The following TEC variants were observed in gnomAD, a reference collection of about 807,000 sequenced individuals.
TEC encodes the protein tec protein tyrosine kinase.
TEC carries 72 observed loss-of-function variants against 93.0 expected under a neutral mutation model. The observed-to-expected ratio is 0.77, with a 90% CI of 0.64 to 0.94. TEC has a LOEUF of 0.94. TEC is among the 40% of genes least tolerant of loss of function. The pLI is 0.00. For synonymous variants in TEC, 249 were observed against 247.7 expected (o/e 1.01, Z -0.05); for missense variants, 630 against 757.9 (o/e 0.83, Z 1.98).
At chr4:48,215,513 AT>A (rs933309996) in intron 2 of TEC, among the ~76,000 whole-genome samples, 19 of 152,236 alleles carry the variant, frequency 1.2e-4, no homozygotes, top group African/African-American at 4.6e-4. Flanking sequence ...TCTCAAAAAA[AT>A]AATTAATTAA....
intron 2 of TEC, among the ~76,000 whole-genome samples, chr4:48,194,177 A>G (rs1244735130): frequency 6.6e-6 from 1 of 152,210 alleles, no homozygotes; most frequent in Admixed American, 6.5e-5. Context: ...GATTTCTGGA[A>G]AGGTGCATCG....
intron 1 of TEC, among the ~76,000 whole-genome samples, chr4:48,265,046 T>C (rs1724597029): frequency 6.6e-6 from 1 of 151,136 alleles, no homozygotes; most frequent in Admixed American, 6.6e-5. Context: ...CCTAAACAAA[T>C]GAAAAGACAA....
intron 2 of TEC, among the ~76,000 whole-genome samples, chr4:48,192,309 A>G (rs1398688514): frequency 6.6e-6 from 1 of 152,212 alleles, no homozygotes; most frequent in African/African-American, 2.4e-5. Flanking sequence ...CTAATCTATC[A>G]TGTCAAAAAT....
chr4:48,146,694 G>A (rs1308278237), intron 11 of TEC, among the ~76,000 whole-genome samples: 3 of 152,122 alleles, frequency 2.0e-5, no homozygotes, highest in Non-Finnish European at 2.9e-5. Context: ...GCTGAACTAT[G>A]AAAGGGAATT....
chr4:48,227,844 T>C (rs981398887), intron 2 of TEC, among the ~76,000 whole-genome samples: 4 of 152,136 alleles, frequency 2.6e-5, no homozygotes, highest in East Asian at 3.9e-4. Flanking sequence ...CCAGAGGTGA[T>C]TGCACATTCA....
intron 1 of TEC, among the ~76,000 whole-genome samples, chr4:48,257,459 G>C (rs1186911962): frequency 6.6e-6 from 1 of 152,134 alleles, no homozygotes; most frequent in Admixed American, 6.5e-5. Flanking sequence ...ATATGACAAA[G>C]AGAGGAGAGG....
At chr4:48,262,602 C>G (rs1195259948) in intron 1 of TEC, among the ~76,000 whole-genome samples, 1 of 152,132 alleles carries the variant, frequency 6.6e-6, no homozygotes, top group Non-Finnish European at 1.5e-5. Context: ...GAAAGAACTT[C>G]TGTGAAGACC....
rs141105095 is a variant in TEC at position 48,196,105 on chromosome 4, C to A, written c.139-19919G>T. ...GGTATCAACTTGACTGGAAGAAGGA[C>A]TGCCTAGAGAGCTGGTAAAGCTTTC... On this transcript the variant is annotated intron_variant, in intron 2 of 17. Coordinates refer to ENST00000381501, the MANE Select transcript of TEC (RefSeq NM_003215.3). 5.6e-3 allele frequency among the ~76,000 whole-genome samples: 859 copies of A among 152,330 alleles called. 4 individuals are homozygous for A. The highest frequency in any genetic ancestry group is 0.014 in the Middle Eastern group (4 of 294).
chr4:48,217,296 G>T (rs1318199324), intron 2 of TEC, among the ~76,000 whole-genome samples: 4 of 152,126 alleles, frequency 2.6e-5, no homozygotes, highest in African/African-American at 4.8e-5. Context: ...TAGAGACGGG[G>T]TTTCACCATG....
chr4:48,169,512 G>A (rs1468367016), intron 5 of TEC, among the ~76,000 whole-genome samples: 2 of 152,038 alleles, frequency 1.3e-5, no homozygotes, highest in Non-Finnish European at 2.9e-5. Flanking sequence ...GACTGAGAAG[G>A]TCATCTGATC....
At chr4:48,243,015 A>G (rs1723961686) in intron 1 of TEC, among the ~76,000 whole-genome samples, 1 of 152,144 alleles carries the variant, frequency 6.6e-6, no homozygotes, top group Non-Finnish European at 1.5e-5. Flanking sequence ...TTGATCTAGA[A>G]ACCCACTTGT....
At chr4:48,166,976 G>C (rs1720895459) in intron 7 of TEC, among the ~76,000 whole-genome samples, 1 of 151,852 alleles carries the variant, frequency 6.6e-6, no homozygotes, top group Non-Finnish European at 1.5e-5. Flanking sequence ...GGTGGAAGAA[G>C]AGTGTGCTCT....
intron 1 of TEC, among the ~76,000 whole-genome samples, chr4:48,268,534 T>C (rs974188319): frequency 7.2e-5 from 11 of 152,360 alleles, no homozygotes; most frequent in Admixed American, 6.5e-4. Context: ...AAGTTACCCA[T>C]ACTTCTATTT....
chr4:48,156,670 A>G lies in TEC; in HGVS notation c.792+10T>C. 1 of 1,608,202 alleles carries G rather than the reference A, an allele frequency of 6.2e-7. No homozygotes were observed. The highest frequency in any genetic ancestry group is 8.5e-7 in the Non-Finnish European group (1 of 1,178,412). On this transcript the variant is annotated intron_variant, in intron 9 of 17. Coordinates refer to ENST00000381501, the MANE Select transcript of TEC (RefSeq NM_003215.3). Reference sequence around the variant, plus strand: ...GCCCTTAAGCCAAACCCACAAGTACAAACACTTACTTCACTGCGGAGGAGT... The same window carrying G: ...GCCCTTAAGCCAAACCCACAAGTACGAACACTTACTTCACTGCGGAGGAGT...
At chr4:48,225,930 C>T (rs1183293233) in intron 2 of TEC, among the ~76,000 whole-genome samples, 1 of 151,944 alleles carries the variant, frequency 6.6e-6, no homozygotes, top group African/African-American at 2.4e-5. Flanking sequence ...GCAGCAGCAG[C>T]CAGAAAGGAG....
intron 2 of TEC, among the ~76,000 whole-genome samples, chr4:48,182,998 G>A (rs925137889): frequency 6.6e-5 from 10 of 151,974 alleles, no homozygotes; most frequent in African/African-American, 2.2e-4. Context: ...CAAATGATTC[G>A]TCCCTTTCCC....
At chr4:48,183,198 T>C (rs1396777406) in intron 2 of TEC, among the ~76,000 whole-genome samples, 1 of 152,184 alleles carries the variant, frequency 6.6e-6, no homozygotes, top group African/African-American at 2.4e-5. Flanking sequence ...AATCCCAGTT[T>C]TCTCTCTGTG....
At chr4:48,262,011 T>C (rs1236521253) in intron 1 of TEC, among the ~76,000 whole-genome samples, 1 of 152,114 alleles carries the variant, frequency 6.6e-6, no homozygotes, top group African/African-American at 2.4e-5. Context: ...TAATAATGTA[T>C]GTTGTCCTTT....
rs200782202 is a variant in TEC at position 48,160,737 on chromosome 4, A to AAAAGAAAG, written c.737+2957_737+2964dup. ...GTAAGACTCTGTCTCCAGAAAAAAA[A>AAAAGAAAG]AAAGAAAGAAAGAAAGAAAGAAAGA... is the stretch of plus-strand genomic sequence containing the variant. On this transcript the variant is annotated intron_variant, in intron 8 of 17. Coordinates refer to ENST00000381501, the MANE Select transcript of TEC (RefSeq NM_003215.3). 3.6e-3 allele frequency among the ~76,000 whole-genome samples: 472 copies of AAAAGAAAG among 131,422 alleles called. 4 individuals carry two copies. The highest frequency in any genetic ancestry group is 0.016 in the East Asian group (67 of 4,174). 86.2% of individuals were successfully genotyped at this position (131,422 alleles called of 152,430 possible).
Sources: gnomAD v4.1 joint callset for allele counts (sites outside exome capture counted in the v4.1 genomes callset) on GRCh38, gnomAD v4.1.1 for gene constraint, MANE v1.5 for transcripts, NCBI Gene and HGNC (gene_info 2026-07-23, HGNC 2026-07-21) for gene names.